PRKG1: variants seen among roughly 807,000 people sequenced by gnomAD.
PRKG1 encodes the protein protein kinase cGMP-dependent 1, also known as cGMP-dependent protein kinase 1.
PRKG1 carries 35 observed loss-of-function variants against 88.1 expected under a neutral mutation model. That is an observed-to-expected ratio of 0.40 (90% CI 0.30 to 0.53). The LOEUF (loss-of-function observed/expected upper bound fraction) is 0.53. Ranked by LOEUF, PRKG1 falls within the 20% of genes least tolerant of loss-of-function variation. The pLI, the probability that PRKG1 is intolerant of heterozygous loss-of-function variation, is 0.59. For synonymous variants in PRKG1, 303 were observed against 292.5 expected, an observed-to-expected ratio of 1.04 and a Z score of -0.37; for missense variants, 540 against 839.8, an observed-to-expected ratio of 0.64 and a Z score of 4.41.
intron 8 of PRKG1, among the ~76,000 whole-genome samples, chr10:52,151,260 T>C (rs925002686): frequency 6.6e-6 from 1 of 152,124 alleles, no homozygotes; most frequent in Non-Finnish European, 1.5e-5. Flanking sequence ...GGGTGGGCCC[T>C]AGTGTCGGTT....
intron 3 of PRKG1, among the ~76,000 whole-genome samples, chr10:51,637,255 A>G (rs1008356057): frequency 1.3e-5 from 2 of 152,234 alleles, no homozygotes; most frequent in African/African-American, 4.8e-5. Flanking sequence ...ATTATTAAAA[A>G]GTCAAAAAAA....
intron 5 of PRKG1, among the ~76,000 whole-genome samples, chr10:51,974,731 T>A (rs528991825): frequency 6.6e-6 from 1 of 152,184 alleles, no homozygotes; most frequent in South Asian, 2.1e-4. Flanking sequence ...ATTTGCATAA[T>A]GCATATCATT....
chr10:51,044,344 T>G (rs1026026521), intron 1 of PRKG1, among the ~76,000 whole-genome samples: 1 of 152,044 alleles, frequency 6.6e-6, no homozygotes, highest in African/African-American at 2.4e-5. Flanking sequence ...GTAAAGATAT[T>G]CCTGTGGATA....
intron 3 of PRKG1, among the ~76,000 whole-genome samples, chr10:51,594,047 T>C (rs1181980057): frequency 6.6e-6 from 1 of 151,914 alleles, no homozygotes; most frequent in Non-Finnish European, 1.5e-5. Context: ...TTTTAAGAAT[T>C]AGGGTCTTAC....
chr10:52,293,948 A>G lies in PRKG1; in HGVS notation c.*48A>G, dbSNP rs551796863. The G allele has an allele frequency of 1.3e-6, 2 of 1,492,996 alleles. No homozygotes were observed. The highest frequency in any genetic ancestry group is 2.3e-5 in the South Asian group (2 of 86,500). 92.5% of individuals were successfully genotyped at this position (1,492,996 alleles called of 1,614,324 possible). On this transcript the variant is annotated 3_prime_UTR_variant, in exon 18 of 18. Coordinates refer to ENST00000373980, the MANE Select transcript of PRKG1 (RefSeq NM_006258.4). ...GCCTTGCTGAAGACAGCTTTTTCTG[A>G]GACACAGCTGCCAGCAAACCTGAGG...
intron 1 of PRKG1, among the ~76,000 whole-genome samples, chr10:51,135,495 G>T (rs183869043): frequency 2.2e-3 from 333 of 152,230 alleles, no homozygotes; most frequent in Non-Finnish European, 3.5e-3. Context: ...AAAAAACCCA[G>T]AATATAATCA....
intron 2 of PRKG1, among the ~76,000 whole-genome samples, chr10:51,420,529 A>G (rs942383912): frequency 5.3e-5 from 8 of 152,146 alleles, no homozygotes; most frequent in Admixed American, 3.3e-4. Context: ...AAACCAGTGA[A>G]AACAGCAAAT....
chr10:51,861,063 G>A (rs376288000), intron 4 of PRKG1, among the ~76,000 whole-genome samples: 1 of 152,026 alleles, frequency 6.6e-6, no homozygotes, highest in Non-Finnish European at 1.5e-5. Flanking sequence ...TATTTTTATG[G>A]CATTTTATGA....
intron 5 of PRKG1, among the ~76,000 whole-genome samples, chr10:52,052,921 C>G (rs1302217806): frequency 6.6e-6 from 1 of 152,132 alleles, no homozygotes; most frequent in Admixed American, 6.5e-5. Context: ...GAGTGAGACC[C>G]TGTCTTAAAA....
intron 8 of PRKG1, among the ~76,000 whole-genome samples, chr10:52,156,674 A>G (rs534273448): frequency 1.2e-4 from 18 of 151,946 alleles, no homozygotes; most frequent in African/African-American, 3.6e-4. Context: ...GTCCCGTTAT[A>G]AATAAAATAA....
chr10:51,296,195 T>A lies in PRKG1; in HGVS notation c.478+142865T>A, dbSNP rs140215766. Among the ~76,000 whole-genome samples, 619 of 152,246 alleles carry A rather than the reference T, an allele frequency of 4.1e-3. 6 individuals are homozygous for A. Among genetic ancestry groups the A allele is most frequent in the African/African-American group, 0.013 (550 of 41,564 alleles). On this transcript the variant is annotated intron_variant, in intron 2 of 17. Coordinates refer to ENST00000373980, the MANE Select transcript of PRKG1 (RefSeq NM_006258.4). Reference sequence around the variant, plus strand: ...GATGGTCCTGGCCTCATAAGATGAGTCTGGAAGTGATTCCTCCTATTTTAT... The same window carrying A: ...GATGGTCCTGGCCTCATAAGATGAGACTGGAAGTGATTCCTCCTATTTTAT...
At chr10:51,104,933 G>A (rs1234547028) in intron 1 of PRKG1, among the ~76,000 whole-genome samples, 1 of 151,982 alleles carries the variant, frequency 6.6e-6, no homozygotes, top group Non-Finnish European at 1.5e-5. Context: ...TTTTCACCAT[G>A]TAGGTCAGGC....
At chr10:51,301,721 G>A (rs1388668944) in intron 2 of PRKG1, among the ~76,000 whole-genome samples, 1 of 152,186 alleles carries the variant, frequency 6.6e-6, no homozygotes, top group Non-Finnish European at 1.5e-5. Flanking sequence ...TGAATCACCA[G>A]TGTGGGGACC....
intron 1 of PRKG1, among the ~76,000 whole-genome samples, chr10:51,051,065 T>A (rs577463556): frequency 6.6e-6 from 1 of 152,220 alleles, no homozygotes; most frequent in African/African-American, 2.4e-5. Flanking sequence ...TATGAACACC[T>A]CATCAGATAA....
chr10:52,140,062 A>T (rs1837534459), intron 8 of PRKG1, among the ~76,000 whole-genome samples: 1 of 152,212 alleles, frequency 6.6e-6, no homozygotes, highest in Non-Finnish European at 1.5e-5. Context: ...TATGTCAAGA[A>T]GTATTATTCA....
At chr10:52,088,926 A>G (rs1306417400) in intron 7 of PRKG1, among the ~76,000 whole-genome samples, 2 of 152,204 alleles carry the variant, frequency 1.3e-5, no homozygotes, top group African/African-American at 4.8e-5. Flanking sequence ...CAATCCATAG[A>G]TCATATTACA....
chr10:51,029,176 A>G (rs1471190684), intron 1 of PRKG1, among the ~76,000 whole-genome samples: 1 of 152,196 alleles, frequency 6.6e-6, no homozygotes, highest in Non-Finnish European at 1.5e-5. Context: ...TAGCTAGGAA[A>G]ATGAAGACTC....
intron 2 of PRKG1, among the ~76,000 whole-genome samples, chr10:51,313,299 A>G (rs1328557766): frequency 2.0e-5 from 3 of 152,136 alleles, no homozygotes; most frequent in Non-Finnish European, 4.4e-5. Flanking sequence ...GCTTCAATAC[A>G]TCTATTCCCC....
chr10:52,233,003 C>A (rs905629467), intron 9 of PRKG1, among the ~76,000 whole-genome samples: 5 of 152,110 alleles, frequency 3.3e-5, no homozygotes, highest in African/African-American at 9.7e-5. Context: ...CATTGAACAT[C>A]CCCATTGTTA....
Sources: allele counts gnomAD v4.1 joint callset (sites outside exome capture counted in the v4.1 genomes callset), GRCh38; gene constraint gnomAD v4.1.1; transcripts MANE v1.5; gene names NCBI Gene and HGNC (gene_info 2026-07-23, HGNC 2026-07-21).